The following PLB1 variants were observed in gnomAD, a reference collection of about 807,000 sequenced individuals.
PLB1 encodes the protein phospholipase B1.
In PLB1, 242 loss-of-function variants were observed where a neutral mutation model predicts 227.4. The ratio of observed to expected loss-of-function variants is 1.06; its 90% CI spans 0.96 to 1.18. The LOEUF is 1.18. Ranked by LOEUF, PLB1 falls within the 50% of genes most tolerant of loss-of-function variation. The pLI, the probability that PLB1 is intolerant of heterozygous loss-of-function variation, is 0.00. For missense variants in PLB1, 1,858 were observed against 1,816.3 expected (o/e 1.02, Z -0.42); for synonymous variants, 757 against 682.2 (o/e 1.11, Z -1.71).
In PLB1 at chr2:28,518,493, A is replaced by G. The variant is rs948949214; in HGVS notation, c.145A>G (p.Asn49Asp). ...CCTGAAGAATTCTCCATTCCCATGC[A>G]ACCCAAATAAATTAGGAGTGAATAT... ...ETLKNSPFPC[N>D]PNKLGVNMPS... is the part of the protein sequence containing the mutation. The change falls in exon 3 of 58, where the codon AAC becomes GAC. Residue 49 changes from asparagine to aspartate, a missense_variant. Transcript: ENST00000327757. 6.2e-7 allele frequency: 1 copy of G among 1,613,334 alleles called. No homozygotes were observed. Among genetic ancestry groups the G allele is most frequent in the Non-Finnish European group, 8.5e-7 (1 of 1,179,268 alleles).
chr2:28,601,889 C>G lies in PLB1; in HGVS notation c.2608-10C>G. 6.3e-7 allele frequency: 1 copy of G among 1,595,020 alleles called. No individual in the cohort carries two copies. The highest frequency in any genetic ancestry group is 2.2e-5 in the East Asian group (1 of 44,688). ...AGTTCCTCCTTTTCCTCCTTCCTGTCTCTTTCTAGAATCTGTATTCTGCAG... is the reference window on the plus strand; with the variant it reads ...AGTTCCTCCTTTTCCTCCTTCCTGTGTCTTTCTAGAATCTGTATTCTGCAG... On this transcript the variant is annotated splice_polypyrimidine_tract_variant and intron_variant, in intron 37 of 57. Coordinates refer to ENST00000327757, the MANE Select transcript of PLB1 (RefSeq NM_153021.5).
chr2:28,625,842 C>G (rs1003425220), intron 50 of PLB1, among the ~76,000 whole-genome samples: 1 of 151,880 alleles, frequency 6.6e-6, no homozygotes, highest in African/African-American at 2.4e-5. Flanking sequence ...AGGGACACAA[C>G]TTTCTTAAGA....
chr2:28,555,376 A>T, intron 17 of PLB1, among the ~76,000 whole-genome samples: 1 of 152,100 alleles, frequency 6.6e-6, no homozygotes, highest in Admixed American at 6.5e-5. Flanking sequence ...TCCTGACCTC[A>T]GGTGATCCAC....
intron 51 of PLB1, 22 bp downstream of exon 51, chr2:28,626,530 T>A: frequency 1.3e-5 from 21 of 1,605,210 alleles, no homozygotes; most frequent in Non-Finnish European, 1.7e-5. Context: ...ACCAACCCCA[T>A]GGGGACCTGA....
chr2:28,611,682 A>G (rs984856085), intron 43 of PLB1, among the ~76,000 whole-genome samples: 7 of 152,216 alleles, frequency 4.6e-5, no homozygotes, highest in African/African-American at 1.7e-4. Context: ...GCATGCTCCC[A>G]GATCGCCCTC....
chr2:28,507,954 A>G (rs1667814064), intron 1 of PLB1, among the ~76,000 whole-genome samples: 1 of 152,212 alleles, frequency 6.6e-6, no homozygotes, highest in African/African-American at 2.4e-5. Flanking sequence ...AAAGGTTGTG[A>G]CATTGTTGAT....
intron 1 of PLB1, among the ~76,000 whole-genome samples, chr2:28,509,898 G>A (rs1389794378): frequency 6.6e-6 from 1 of 152,122 alleles, no homozygotes; most frequent in Non-Finnish European, 1.5e-5. Context: ...GTAGATTGAC[G>A]GCCCATGTCG....
intron 38 of PLB1, 86 bp downstream of exon 38, chr2:28,602,050 C>T (rs150300250): frequency 3.3e-4 from 428 of 1,301,120 alleles, no homozygotes; most frequent in Non-Finnish European, 4.4e-4. Flanking sequence ...GAGAAGAACC[C>T]CTTTCTCTCA....
rs757090832 is a variant in PLB1 at position 28,633,000 on chromosome 2, C to T, written c.4059C>T (p.Arg1353=). Residue 1353 remains arginine, a synonymous_variant, in exon 56 of 58, where the codon CGC becomes CGT. Coordinates refer to ENST00000327757, the MANE Select transcript of PLB1 (RefSeq NM_153021.5). ...AGGACTGTTTTCACTTCTCAGACCG[C>T]GGGCATGCCGAGATGGCCATCGCAC... is the stretch of plus-strand genomic sequence containing the variant. ...FSEDCFHFSD[R]GHAEMAIALW... is the part of the protein sequence containing the mutation. 10 of 1,608,834 alleles carry T rather than the reference C, an allele frequency of 6.2e-6. No individual in the cohort carries two copies. Among genetic ancestry groups the T allele is most frequent in the East Asian group, 2.2e-5 (1 of 44,856 alleles).
At chr2:28,573,415 A>G in intron 21 of PLB1, 110 bp downstream of exon 21, 1 of 806,080 alleles carries the variant, frequency 1.2e-6, no homozygotes, top group Non-Finnish European at 2.1e-6. Flanking sequence ...TGTCAGAGGA[A>G]AGGGTTTCGG....
rs772828152 is a variant in PLB1, at chr2:28,604,050, A to G, written c.2856+3A>G. 1.2e-6 allele frequency: 2 copies of G among 1,611,242 alleles called. No individual in the cohort carries two copies. The highest frequency in any genetic ancestry group is 1.7e-6 in the Non-Finnish European group (2 of 1,177,272). ...AGGCCTTCAGCCGAGCCTACCGGGTAAGACCAAGAAGGGCACCATGCTGTG... is the reference window on the plus strand; with the variant it reads ...AGGCCTTCAGCCGAGCCTACCGGGTGAGACCAAGAAGGGCACCATGCTGTG... On this transcript the variant is annotated splice_donor_region_variant and intron_variant, in intron 40 of 57. Transcript: ENST00000327757.
At chr2:28,528,135 G>A (rs1022147714) in intron 6 of PLB1, among the ~76,000 whole-genome samples, 1 of 152,192 alleles carries the variant, frequency 6.6e-6, no homozygotes, top group Admixed American at 6.5e-5. Context: ...AAAGCCAAGT[G>A]ACCAGTCCCC....
chr2:28,594,258 G>A, intron 33 of PLB1: 1 of 277,448 alleles, frequency 3.6e-6, no homozygotes, highest in Non-Finnish European at 7.4e-6. Context: ...GCCATGTCTT[G>A]AAAGATTAGC....
At chr2:28,591,783 G>A in intron 31 of PLB1, 23 bp downstream of exon 31, 3 of 1,612,360 alleles carry the variant, frequency 1.9e-6, no homozygotes, top group Non-Finnish European at 2.5e-6. Flanking sequence ...TGGCACAGCA[G>A]GACCCAGGGC....
intron 38 of PLB1, 45 bp downstream of exon 38, chr2:28,602,009 G>A (rs1368610879): frequency 1.3e-6 from 2 of 1,514,296 alleles, no homozygotes; most frequent in Non-Finnish European, 1.8e-6. Context: ...CAAGCATGGT[G>A]AGGGTGAAGG....
intron 12 of PLB1, among the ~76,000 whole-genome samples, chr2:28,540,745 A>G (rs886166193): frequency 6.6e-6 from 1 of 152,214 alleles, no homozygotes; most frequent in Non-Finnish European, 1.5e-5. Flanking sequence ...GCTTTTGGTC[A>G]TCAGTGCCAC....
intron 22 of PLB1, 38 bp downstream of exon 22, chr2:28,578,196 C>G (rs1679322144): frequency 1.3e-6 from 2 of 1,599,050 alleles, no homozygotes; most frequent in African/African-American, 1.3e-5. Context: ...GGAAAAATCC[C>G]TGGACACAGA....
At chr2:28,623,769 T>C (rs1431346364) in intron 49 of PLB1, among the ~76,000 whole-genome samples, 1 of 152,210 alleles carries the variant, frequency 6.6e-6, no homozygotes, top group East Asian at 1.9e-4. Context: ...ACAGCTTTAT[T>C]GAGGTATAAA....
chr2:28,602,387 G>A (rs981868081), intron 38 of PLB1, among the ~76,000 whole-genome samples: 2 of 152,220 alleles, frequency 1.3e-5, no homozygotes, highest in Non-Finnish European at 2.9e-5. Context: ...TTCTGGCAAG[G>A]ACAAGCTGCC....
Sources: gnomAD v4.1 joint callset for allele counts (sites outside exome capture counted in the v4.1 genomes callset) on GRCh38, gnomAD v4.1.1 for gene constraint, MANE v1.5 for transcripts, NCBI Gene and HGNC (gene_info 2026-07-23, HGNC 2026-07-21) for gene names.